Variants in ARHGAP12 observed in about 807,000 individuals in gnomAD.
The protein encoded by ARHGAP12 is Rho GTPase activating protein 12.
Under a neutral mutation model 108.6 loss-of-function variants are expected in ARHGAP12, and 64 were observed. The observed-to-expected ratio is 0.59, with a 90% confidence interval of 0.48 to 0.73. ARHGAP12 has a LOEUF of 0.73. ARHGAP12 is among the 30% of genes least tolerant of loss of function. The pLI is 0.00. For synonymous variants in ARHGAP12, 312 were observed against 337.2 expected, an observed-to-expected ratio of 0.93 and a Z score of 0.82; for missense variants, 940 against 1,005.9, an observed-to-expected ratio of 0.93 and a Z score of 0.89.
At chr10:31,813,263 C>T (rs1255903365) in intron 14 of ARHGAP12, among the ~76,000 whole-genome samples, 3 of 152,042 alleles carry the variant, frequency 2.0e-5, no homozygotes, top group Admixed American at 1.3e-4. Context: ...GATATACACA[C>T]AAATATATAG....
intron 11 of ARHGAP12, among the ~76,000 whole-genome samples, chr10:31,825,210 T>C (rs1359841184): frequency 1.3e-5 from 2 of 152,188 alleles, no homozygotes; most frequent in Non-Finnish European, 2.9e-5. Context: ...TAATGTGTTC[T>C]GTGGCATTTG....
intron 3 of ARHGAP12, among the ~76,000 whole-genome samples, chr10:31,896,045 C>T (rs1838675083): frequency 6.6e-6 from 1 of 151,606 alleles, no homozygotes; most frequent in Admixed American, 6.6e-5. Flanking sequence ...ACAATGAGAA[C>T]ACTTGGACAC....
In ARHGAP12 at chr10:31,854,180, G is replaced by A; in HGVS notation, c.975C>T (p.Tyr325=). The A allele has an allele frequency of 1.2e-6, 2 of 1,609,360 alleles. No homozygotes were observed. The highest frequency in any genetic ancestry group is 1.7e-6 in the Non-Finnish European group (2 of 1,178,740). Reference sequence around the variant, plus strand: ...TATCTGACTGGCTGTAAGAAGTGCTGTAGTAGTTTTCTTCCGATGAAAGAA... The same window carrying A: ...TATCTGACTGGCTGTAAGAAGTGCTATAGTAGTTTTCTTCCGATGAAAGAA... ...QELLSSEENY[Y]STSYSQSDSQ... The change falls in exon 5 of 20, where the codon TAC becomes TAT. Residue 325 remains tyrosine, a synonymous_variant. Transcript: ENST00000344936.
chr10:31,923,132 G>GAAGAAA (rs1554792909), intron 1 of ARHGAP12, among the ~76,000 whole-genome samples: 2 of 83,226 alleles, frequency 2.4e-5, no homozygotes, highest in African/African-American at 1.1e-4. Flanking sequence ...ACCCTAACAG[G>GAAGAAA]AAAAAAAAAA....
intron 1 of ARHGAP12, 98 bp downstream of exon 1, chr10:31,928,585 C>A: frequency 6.5e-6 from 1 of 153,142 alleles, no homozygotes; most frequent in South Asian, 1.8e-4. Context: ...CCCCCGACTC[C>A]ACCGCCCTCG....
At position 31,897,358 on chromosome 10, in the gene ARHGAP12, G is replaced by A. The variant is rs147888940; in HGVS notation, c.684+10814C>T. Among the ~76,000 whole-genome samples, 11 of 152,016 alleles carry A rather than the reference G, an allele frequency of 7.2e-5. No individual in the cohort carries two copies. The East Asian group carries it at 1.9e-3, about 27-fold the overall frequency. ...ACTTGTAAAATTCACAGCTCATGACGCACACACACTAAAAGGCTAAGATTT... is the reference window on the plus strand; with the variant it reads ...ACTTGTAAAATTCACAGCTCATGACACACACACACTAAAAGGCTAAGATTT... On this transcript the variant is annotated intron_variant, in intron 3 of 19. Transcript: ENST00000344936.
intron 13 of ARHGAP12, among the ~76,000 whole-genome samples, chr10:31,814,964 A>G (rs1321841710): frequency 6.6e-6 from 1 of 152,072 alleles, no homozygotes; most frequent in Non-Finnish European, 1.5e-5. Flanking sequence ...TACTAAAAAT[A>G]CAAAAATTAG....
At chr10:31,847,115 T>TG (rs1491403651) in intron 6 of ARHGAP12, among the ~76,000 whole-genome samples, 2 of 152,136 alleles carry the variant, frequency 1.3e-5, no homozygotes, top group Non-Finnish European at 2.9e-5. Flanking sequence ...CCTCTTCACT[T>TG]ATCTCAAGTG....
intron 12 of ARHGAP12, 150 bp from the exon 13 acceptor site, chr10:31,818,036 C>T: frequency 1.7e-6 from 1 of 575,990 alleles, no homozygotes; most frequent in Non-Finnish European, 3.0e-6. Context: ...GACTACACGG[C>T]TATGGAATAC....
Position 31,852,617 on chromosome 10 carries a change from GT to G in ARHGAP12, c.1090-21del. ...GAGCCACTATAAAAACAGAACAGGTGTTTTTTATTAAATTTAAATAAAAGTG... is the reference window on the plus strand; with the variant it reads ...GAGCCACTATAAAAACAGAACAGGTGTTTTTATTAAATTTAAATAAAAGTG... On this transcript the variant is annotated intron_variant, in intron 5 of 19. Coordinates refer to ENST00000344936, the MANE Select transcript of ARHGAP12 (RefSeq NM_018287.7). 2 of 1,539,204 alleles carry G rather than the reference GT, an allele frequency of 1.3e-6. No homozygotes were observed. Among genetic ancestry groups the G allele is most frequent in the Non-Finnish European group, 1.8e-6 (2 of 1,119,872 alleles).
intron 3 of ARHGAP12, among the ~76,000 whole-genome samples, chr10:31,888,738 T>C (rs1564413616): frequency 6.6e-6 from 1 of 151,366 alleles, no homozygotes; most frequent in Non-Finnish European, 1.5e-5. Context: ...AAAAAAAGAG[T>C]AAATATAAAA....
At chr10:31,864,417 G>C (rs992980783) in intron 3 of ARHGAP12, among the ~76,000 whole-genome samples, 39 of 152,060 alleles carry the variant, frequency 2.6e-4, no homozygotes, top group African/African-American at 8.9e-4. Flanking sequence ...AACTTCAATA[G>C]ATAAACCCTT....
chr10:31,843,710 C>G, intron 6 of ARHGAP12, 124 bp from the exon 7 acceptor site: 6 of 1,140,484 alleles, frequency 5.3e-6, no homozygotes, highest in Non-Finnish European at 7.1e-6. Context: ...TATGACATCT[C>G]CACAAATTTT....
intron 9 of ARHGAP12, among the ~76,000 whole-genome samples, chr10:31,833,222 C>T (rs1360794478): frequency 1.3e-5 from 2 of 151,378 alleles, no homozygotes; most frequent in Non-Finnish European, 2.9e-5. Context: ...TAAGTAACAA[C>T]ATTAATCTGA....
intron 15 of ARHGAP12, among the ~76,000 whole-genome samples, chr10:31,811,194 T>G (rs1190768415): frequency 2.0e-5 from 3 of 152,210 alleles, no homozygotes; most frequent in Non-Finnish European, 2.9e-5. Flanking sequence ...ATAAGTTTCA[T>G]GAGGGAGAGG....
At chr10:31,863,779 G>T (rs1837221664) in intron 3 of ARHGAP12, among the ~76,000 whole-genome samples, 1 of 151,954 alleles carries the variant, frequency 6.6e-6, no homozygotes, top group Non-Finnish European at 1.5e-5. Context: ...AGATAAACAC[G>T]ATCATCTCTA....
chr10:31,901,200 CAAG>C (rs1185834855), intron 3 of ARHGAP12, among the ~76,000 whole-genome samples: 1 of 128,672 alleles, frequency 7.8e-6, no homozygotes, highest in Non-Finnish European at 1.6e-5. Flanking sequence ...TGGGTGACAG[CAAG>C]AATCCGTCTC....
At chr10:31,857,509 G>A (rs1476658511) in intron 4 of ARHGAP12, among the ~76,000 whole-genome samples, 3 of 151,994 alleles carry the variant, frequency 2.0e-5, no homozygotes, top group Non-Finnish European at 4.4e-5. Flanking sequence ...GAGAATATGG[G>A]GGCGAGCCTA....
intron 6 of ARHGAP12, among the ~76,000 whole-genome samples, chr10:31,844,126 T>C (rs757235469): frequency 1.3e-5 from 2 of 152,208 alleles, no homozygotes; most frequent in East Asian, 1.9e-4. Flanking sequence ...TTCTAGGCTA[T>C]GTGAGTTGAA....
Sources: allele counts gnomAD v4.1 joint callset (sites outside exome capture counted in the v4.1 genomes callset), GRCh38; gene constraint gnomAD v4.1.1; transcripts MANE v1.5; gene names NCBI Gene and HGNC (gene_info 2026-07-23, HGNC 2026-07-21).